PCP2: variants seen among roughly 807,000 people sequenced by gnomAD.
The protein encoded by PCP2 is Purkinje cell protein 2 homolog.
A neutral mutation model predicts 18.3 loss-of-function variants in PCP2; 21 were observed. The observed-to-expected ratio is 1.14, with a 90% CI of 0.81 to 1.65. The LOEUF (loss-of-function observed/expected upper bound fraction) is 1.65, where lower values mean the gene tolerates loss of function less well. Ranked by LOEUF, PCP2 falls within the 40% of genes most tolerant of loss-of-function variation. The probability of loss-of-function intolerance (pLI) is 0.00; values close to 1 mark genes in which losing one functional copy is unlikely to be tolerated. For synonymous variants in PCP2, 85 were observed against 77.6 expected, an observed-to-expected ratio of 1.10 and a Z score of -0.50; for missense variants, 202 against 201.8, an observed-to-expected ratio of 1.00 and a Z score of 0.00.
intron 1 of PCP2, chr19:7,633,141 G>A: frequency 2.5e-6 from 1 of 398,554 alleles, no homozygotes; most frequent in Non-Finnish European, 3.4e-6. Flanking sequence ...CTGGGAGCTG[G>A]GACACGAATC....
upstream of PCP2, chr19:7,636,837 T>G: frequency 2.8e-5 from 9 of 326,398 alleles, no homozygotes; most frequent in Middle Eastern, 8.1e-4. Flanking sequence ...CCGGGGAAGA[T>G]GGAGGGATTA....
rs56262542 is a variant in PCP2 at position 7,632,901 on chromosome 19, T to C, written c.52-71A>G. On this transcript the variant is annotated intron_variant, in intron 1 of 3. Coordinates refer to ENST00000311069, the MANE Select transcript of PCP2 (RefSeq NM_174895.3). This position sits in a 1 kb window ranked among gnomAD's most constrained non-coding sequence, Gnocchi z 5.2. ...CCCCTCCCCAAACTTCCTAGCCAGC[T>C]TGCTCACACCCTGACCCCGGGGCCT... 453,644 of 1,522,516 alleles carry C rather than the reference T, an allele frequency of 0.3. 69,529 individuals are homozygous for C. The highest frequency in any genetic ancestry group is 0.32 in the Non-Finnish European group (358,916 of 1,137,380). 94.3% of individuals were successfully genotyped at this position (1,522,516 alleles called of 1,614,324 possible).
chr19:7,631,736 CG>C lies in PCP2; in HGVS notation c.363del (p.Gly122AlafsTer30). ...PLLTPQDPTALGFRRNSSPQP... is the reference protein window; with the variant it reads ...PLLTPQDPTAXGFRRNSSPQP... ...TGGGGGCTGCTGTTCCGACGGAAGCCGAGAGCGGTCGGGTCCTGAGGGGTGA... is the reference window on the plus strand; with the variant it reads ...TGGGGGCTGCTGTTCCGACGGAAGCCAGAGCGGTCGGGTCCTGAGGGGTGA... On this transcript the variant is annotated frameshift_variant, in exon 4 of 4. Transcript: ENST00000311069. LOFTEE classifies it high-confidence loss of function. 4 of 1,440,256 alleles carry C rather than the reference CG, an allele frequency of 2.8e-6. No homozygotes were observed. Among genetic ancestry groups the C allele is most frequent in the Non-Finnish European group, 3.7e-6 (4 of 1,093,812 alleles). The allele number at this position is 1,440,256 out of a possible 1,614,324, so 89.2% of individuals were successfully genotyped here. A position where few individuals can be genotyped will look rare whatever the true frequency, so the allele number is the denominator to read the frequency against.
In PCP2 at chr19:7,632,697, C is replaced by A; in HGVS notation, c.166+19G>T. The A allele has an allele frequency of 1.3e-6, 2 of 1,549,930 alleles. No individual in the cohort carries two copies. The highest frequency in any genetic ancestry group is 2.3e-5 in the South Asian group (2 of 85,388). ...CCCCGTTCACGCCCCATGGACAGCA[C>A]CCCCGTGCCCATGCTCACGGCTCTT... On this transcript the variant is annotated intron_variant, in intron 2 of 3. Coordinates refer to ENST00000311069, the MANE Select transcript of PCP2 (RefSeq NM_174895.3). The surrounding 1 kb of genome is among the most constrained non-coding windows in gnomAD (Gnocchi z 5.2).
chr19:7,636,834 A>G (rs1204926169), upstream of PCP2: 4 of 309,200 alleles, frequency 1.3e-5, no homozygotes, highest in Admixed American at 1.0e-4. Context: ...CTCCCGGGGA[A>G]GATGGAGGGA....
upstream of PCP2, among the ~76,000 whole-genome samples, chr19:7,635,927 C>G (rs2146200695): frequency 6.6e-6 from 1 of 152,268 alleles, no homozygotes; most frequent in East Asian, 1.9e-4. Context: ...CACCCTCCAG[C>G]CTTCTTAAGC....
At chr19:7,634,957 T>C (rs1284648804), upstream of PCP2, among the ~76,000 whole-genome samples, 1 of 152,198 alleles carries the variant, frequency 6.6e-6, no homozygotes, top group Non-Finnish European at 1.5e-5. Flanking sequence ...GGCAGACATA[T>C]AACTATCTTA....
In PCP2 at chr19:7,632,140, T is replaced by C; in HGVS notation, c.291+253A>G. 1 of 613,926 alleles carries C rather than the reference T, an allele frequency of 1.6e-6. No homozygotes were observed. Among genetic ancestry groups the C allele is most frequent in the Non-Finnish European group, 2.8e-6 (1 of 361,902 alleles). 38.0% of individuals were successfully genotyped at this position (613,926 alleles called of 1,614,324 possible). A position where few individuals can be genotyped will look rare whatever the true frequency, so the allele number is the denominator to read the frequency against. On this transcript the variant is annotated intron_variant, in intron 3 of 3. Coordinates refer to ENST00000311069, the MANE Select transcript of PCP2 (RefSeq NM_174895.3). The surrounding 1 kb of genome is among the most constrained non-coding windows in gnomAD (Gnocchi z 5.2). ...TAGGAAGGGGTCCTATTTTCTCCCT[T>C]TGGCCTCCCCAGAACCTTCAGACTT...
At chr19:7,633,967 C>A (rs2031438873), upstream of PCP2, 1 of 153,434 alleles carries the variant, frequency 6.5e-6, no homozygotes, top group Non-Finnish European at 1.5e-5. Flanking sequence ...CCTCAGACAC[C>A]ACCGGCCACC....
chr19:7,635,136 AGCTCTCT>A (rs1325989717), upstream of PCP2, among the ~76,000 whole-genome samples: 1 of 152,134 alleles, frequency 6.6e-6, no homozygotes, highest in Non-Finnish European at 1.5e-5. Context: ...TGGCCCTAAC[AGCTCTCT>A]GTCCCCCCAA....
At position 7,633,642 on chromosome 19, in the gene PCP2, A is replaced by G. The variant is rs2031428466; in HGVS notation, c.-185T>C. The stretch of plus-strand genomic sequence containing the variant: ...TCATCCAGATAATTGTTTGCCCACA[A>G]CGATGCTGGATCTGGCATGGTGGGT... On this transcript the variant is annotated 5_prime_UTR_variant, in exon 1 of 4. Transcript: ENST00000311069. 4 of 614,442 alleles carry G rather than the reference A, an allele frequency of 6.5e-6. No homozygotes were observed. Among genetic ancestry groups the G allele is most frequent in the Non-Finnish European group, 1.1e-5 (4 of 355,824 alleles). 38.1% of individuals were successfully genotyped at this position (614,442 alleles called of 1,614,324 possible).
upstream of PCP2, chr19:7,633,847 C>T (rs763337785): frequency 3.4e-5 from 7 of 204,688 alleles, no homozygotes; most frequent in Non-Finnish European, 6.8e-5. Context: ...CCCCACCCAG[C>T]CACCCAGGTT....
At chr19:7,636,282 A>T (rs2031530410), upstream of PCP2, 2 of 152,156 alleles carry the variant, frequency 1.3e-5, no homozygotes, top group Admixed American at 1.3e-4. Flanking sequence ...CTTAAATCGG[A>T]GACCTCATTT....
At chr19:7,631,936 A>C (rs960350860) in intron 3 of PCP2, 128 bp from the exon 4 acceptor site, 22 of 967,566 alleles carry the variant, frequency 2.3e-5, no homozygotes, top group Non-Finnish European at 3.1e-5. Flanking sequence ...GTCTATGTTT[A>C]CCCTCAATAT....
upstream of PCP2, chr19:7,633,874 A>G (rs4804756): frequency 0.29 from 53,957 of 184,116 alleles, 8,750 homozygotes; most frequent in Non-Finnish European, 0.36. Context: ...CTGGCTCCTG[A>G]AAGGGCAGCT....
chr19:7,633,628 ATTGT>A lies in PCP2; in HGVS notation c.-175_-172del, dbSNP rs2031427741. 3.1e-6 allele frequency: 2 copies of A among 654,036 alleles called. No individual in the cohort carries two copies. The highest frequency in any genetic ancestry group is 3.7e-5 in the African/African-American group (2 of 54,110). The allele number at this position is 654,036 out of a possible 1,614,324, so 40.5% of individuals were successfully genotyped here. On this transcript the variant is annotated 5_prime_UTR_variant, in exon 1 of 4. It removes the in-frame stop codon of an upstream open reading frame in the 5' UTR. Coordinates refer to ENST00000311069, the MANE Select transcript of PCP2 (RefSeq NM_174895.3). ...AAGCCCCATAAAGATCATCCAGATA[ATTGT>A]TTGCCCACAACGATGCTGGATCTGG...
chr19:7,634,672 T>TA (rs796868414), upstream of PCP2, among the ~76,000 whole-genome samples: 1 of 151,926 alleles, frequency 6.6e-6, no homozygotes, highest in African/African-American at 2.4e-5. Context: ...GCTGAGCCTT[T>TA]AAAATTTTTT....
At chr19:7,635,754 A>AAAAGG (rs1031311354), upstream of PCP2, among the ~76,000 whole-genome samples, 3 of 152,072 alleles carry the variant, frequency 2.0e-5, no homozygotes, top group Non-Finnish European at 2.9e-5. Flanking sequence ...AAAGGAAGGG[A>AAAAGG]AAAGGAAAGG....
Position 7,633,487 on chromosome 19 carries a change from G to T in PCP2, c.-30C>A, listed in dbSNP as rs1179144144. ...CTGGACTCCAGTCACTTTTCTGCTG[G>T]CCTCTGCCCCGGCCCAGTGCCAGAG... On this transcript the variant is annotated 5_prime_UTR_variant, in exon 1 of 4. Transcript: ENST00000311069. 5 of 1,561,426 alleles carry T rather than the reference G, an allele frequency of 3.2e-6. No individual in the cohort carries two copies. The African/African-American group carries it at 5.4e-5, about 17-fold the overall frequency.
Sources: gnomAD v4.1 joint callset for allele counts (sites outside exome capture counted in the v4.1 genomes callset) on GRCh38, gnomAD v4.1.1 for gene constraint, Gnocchi (gnomAD v3.1) non-coding constraint, MANE v1.5 for transcripts, NCBI Gene and HGNC (gene_info 2026-07-23, HGNC 2026-07-21) for gene names.